The following MAPK10 variants were observed in gnomAD, a reference collection of about 807,000 sequenced individuals.
MAPK10 encodes JNK3 alpha protein kinase.
Under a neutral mutation model 59.3 loss-of-function variants are expected in MAPK10, and 25 were observed. The observed-to-expected ratio is 0.42, with a 90% CI of 0.31 to 0.59. MAPK10 has a LOEUF of 0.59. Among genes scored for constraint, MAPK10 ranks in the 20% least tolerant of loss-of-function variants. The pLI is 0.15. For synonymous variants in MAPK10, 190 were observed against 200.5 expected (o/e 0.95, Z 0.44); for missense variants, 351 against 568.9 (o/e 0.62, Z 3.90).
At chr4:86,023,161 A>G (rs1748229588) in intron 13 of MAPK10, among the ~76,000 whole-genome samples, 1 of 152,190 alleles carries the variant, frequency 6.6e-6, no homozygotes, top group Non-Finnish European at 1.5e-5. Flanking sequence ...TTGCATGTAT[A>G]TATCCAATCA....
Position 86,196,882 on chromosome 4 carries a change from T to C in MAPK10, c.-6-2475A>G, listed in dbSNP as rs879581198. On this transcript the variant is annotated intron_variant, in intron 2 of 13. Transcript: ENST00000641462. ...ATCAGATGGTTGTAGATGTGTGGCA[T>C]TATTTCTGAGGCCTCTGATCTGTTC... Among the ~76,000 whole-genome samples, 41 of 152,286 alleles carry C rather than the reference T, an allele frequency of 2.7e-4. No individual in the cohort carries two copies. In the Middle Eastern group the frequency reaches 0.01, roughly 38 times the overall value.
rs140914437 is a variant in MAPK10, at chr4:86,427,551, A to G, written c.-122+25479T>C. Among the ~76,000 whole-genome samples, 307 of 152,298 alleles carry G rather than the reference A, an allele frequency of 2.0e-3. 4 individuals are homozygous for G. The highest frequency in any genetic ancestry group is 8.5e-3 in the East Asian group (44 of 5,180). Reference sequence around the variant, plus strand: ...TAGGACCTAAGTTCTATCCCACATCAGGTGCCCAATGAATGTTTAAGGAAA... The same window carrying G: ...TAGGACCTAAGTTCTATCCCACATCGGGTGCCCAATGAATGTTTAAGGAAA... On this transcript the variant is annotated intron_variant, in intron 1 of 13. Transcript: ENST00000361569.
chr4:86,512,964 C>T (rs1756389651), intron 1 of MAPK10, among the ~76,000 whole-genome samples: 1 of 152,156 alleles, frequency 6.6e-6, no homozygotes, highest in African/African-American at 2.4e-5. Flanking sequence ...TCTCTTAATG[C>T]CCACCTTTTT....
At chr4:86,184,174 G>T (rs1000539123) in intron 3 of MAPK10, among the ~76,000 whole-genome samples, 1 of 152,078 alleles carries the variant, frequency 6.6e-6, no homozygotes, top group Non-Finnish European at 1.5e-5. Context: ...TTTGTCTTTT[G>T]TTGCCATTGC....
chr4:86,380,949 A>C (rs1183532476), intron 1 of MAPK10, among the ~76,000 whole-genome samples: 2 of 151,950 alleles, frequency 1.3e-5, no homozygotes, highest in Non-Finnish European at 2.9e-5. Context: ...AGAGCTGGGA[A>C]CTGTCTAATA....
At chr4:86,517,734 G>C (rs929800638) in intron 1 of MAPK10, among the ~76,000 whole-genome samples, 2 of 152,022 alleles carry the variant, frequency 1.3e-5, no homozygotes, top group African/African-American at 4.8e-5. Flanking sequence ...AGAATGATTT[G>C]GGGAGGATTG....
At chr4:86,228,939 G>A (rs563738376) in intron 2 of MAPK10, among the ~76,000 whole-genome samples, 10 of 152,218 alleles carry the variant, frequency 6.6e-5, no homozygotes, top group African/African-American at 2.4e-4. Flanking sequence ...ACAAGACTAT[G>A]CATAGTTCAA....
At chr4:86,140,350 G>A (rs2063348173) in intron 4 of MAPK10, among the ~76,000 whole-genome samples, 1 of 142,720 alleles carries the variant, frequency 7.0e-6, no homozygotes, top group South Asian at 2.2e-4. Context: ...ATACTATGCA[G>A]CCATAAAAAA....
chr4:86,123,502 C>T (rs1230012063), intron 4 of MAPK10, among the ~76,000 whole-genome samples: 2 of 151,898 alleles, frequency 1.3e-5, no homozygotes, highest in East Asian at 1.9e-4. Context: ...GTATTAATCA[C>T]GTGAAGATTT....
chr4:86,577,167 C>T (rs560304264), intron 1 of MAPK10, among the ~76,000 whole-genome samples: 3 of 151,940 alleles, frequency 2.0e-5, no homozygotes, highest in South Asian at 2.1e-4. Context: ...AATAATTGGC[C>T]GGATGTGATG....
intron 2 of MAPK10, among the ~76,000 whole-genome samples, chr4:86,311,216 T>C (rs1035404229): frequency 1.3e-5 from 2 of 152,098 alleles, no homozygotes; most frequent in African/African-American, 4.8e-5. Context: ...TCAACATTAA[T>C]AAGGAAGCTT....
chr4:86,011,884 C>T lies in MAPK10; in HGVS notation c.*5344G>A, dbSNP rs928614331. On this transcript the variant is annotated 3_prime_UTR_variant, in exon 14 of 14. Transcript: ENST00000641462. ...ATAGAAGAGCCACTCCTCAACTGTT[C>T]AAACACTGCAAAGTAAACTAATGCA... 1 of 152,162 alleles carries T rather than the reference C, an allele frequency of 6.6e-6. No individual in the cohort carries two copies. Among genetic ancestry groups the T allele is most frequent in the Non-Finnish European group, 1.5e-5 (1 of 68,026 alleles). The allele number at this position is 152,162 out of a possible 1,614,324, so 9.4% of individuals were successfully genotyped here.
At chr4:86,156,397 T>C (rs1198290343) in intron 4 of MAPK10, among the ~76,000 whole-genome samples, 1 of 152,058 alleles carries the variant, frequency 6.6e-6, no homozygotes, top group Non-Finnish European at 1.5e-5. Context: ...TCTTACAGTT[T>C]TCTGTAAATA....
At chr4:86,330,139 C>G (rs2096119639) in intron 2 of MAPK10, among the ~76,000 whole-genome samples, 1 of 152,174 alleles carries the variant, frequency 6.6e-6, no homozygotes, top group African/African-American at 2.4e-5. Flanking sequence ...TGTGCTGTGT[C>G]CGTTCAGAAT....
chr4:86,312,766 T>C (rs1315495210), intron 2 of MAPK10, among the ~76,000 whole-genome samples: 1 of 152,070 alleles, frequency 6.6e-6, no homozygotes, highest in Admixed American at 6.6e-5. Flanking sequence ...CATCAGACAG[T>C]CCGACCAGAC....
In MAPK10 at chr4:86,083,681, G is replaced by A. The variant is rs967263513; in HGVS notation, c.802+14843C>T. Among the ~76,000 whole-genome samples the A allele has an allele frequency of 6.6e-5, 10 of 152,050 alleles. 1 individual carries two copies. Among genetic ancestry groups the A allele is most frequent in the African/African-American group, 2.2e-4 (9 of 41,404 alleles). ...TCCTGAACTGGGCCCAGAGTCAATG[G>A]ACTTTTGGGGCATGTGACCTACTGA... On this transcript the variant is annotated intron_variant, in intron 9 of 13. Transcript: ENST00000641462.
At chr4:86,537,142 C>A (rs1458080695) in intron 1 of MAPK10, among the ~76,000 whole-genome samples, 1 of 151,980 alleles carries the variant, frequency 6.6e-6, no homozygotes, top group East Asian at 1.9e-4. Flanking sequence ...ATGTTGGAGC[C>A]CAAGTGATAT....
At chr4:86,447,544 T>C (rs927324813) in intron 1 of MAPK10, among the ~76,000 whole-genome samples, 1 of 152,190 alleles carries the variant, frequency 6.6e-6, no homozygotes, top group African/African-American at 2.4e-5. Flanking sequence ...ATAGAGTATA[T>C]GTACATGGCA....
At chr4:86,294,169 C>T (rs780897129) in intron 2 of MAPK10, among the ~76,000 whole-genome samples, 10 of 152,166 alleles carry the variant, frequency 6.6e-5, no homozygotes, top group Non-Finnish European at 1.5e-4. Context: ...CAGGACTGGG[C>T]CCTGGGCTAT....
Sources: gnomAD v4.1 joint callset for allele counts (sites outside exome capture counted in the v4.1 genomes callset) on GRCh38, gnomAD v4.1.1 for gene constraint, MANE v1.5 for transcripts, NCBI Gene and HGNC (gene_info 2026-07-23, HGNC 2026-07-21) for gene names.